Variants in RNF157 observed in about 807,000 individuals in gnomAD.
RNF157 encodes ring finger protein 157, also known as E3 ubiquitin ligase RNF157.
RNF157 carries 55 observed loss-of-function variants against 88.3 expected under a neutral mutation model. That is an observed-to-expected ratio of 0.62 (90% CI 0.50 to 0.78). The LOEUF is 0.78. Among genes scored for constraint, RNF157 ranks in the 30% least tolerant of loss-of-function variants. RNF157 has a pLI of 0.00. For missense variants in RNF157, 788 were observed against 860.8 expected, an observed-to-expected ratio of 0.92 and a Z score of 1.06; for synonymous variants, 334 against 341.2, an observed-to-expected ratio of 0.98 and a Z score of 0.23.
chr17:76,194,852 A>G (rs1421149408), intron 2 of RNF157, among the ~76,000 whole-genome samples: 3 of 152,120 alleles, frequency 2.0e-5, no homozygotes, highest in Non-Finnish European at 4.4e-5. Context: ...CGTCTCTACT[A>G]AAAATACAAA....
At position 76,189,639 on chromosome 17, in the gene RNF157, G is replaced by A. The variant is rs182898478; in HGVS notation, c.208-15849C>T. Among the ~76,000 whole-genome samples, 243 of 152,278 alleles carry A rather than the reference G, an allele frequency of 1.6e-3. 1 individual carries two copies. Among genetic ancestry groups the A allele is most frequent in the African/African-American group, 5.6e-3 (231 of 41,552 alleles). The stretch of plus-strand genomic sequence containing the variant: ...AATGGATATCAGAGAACTAAAACAC[G>A]AAAAGGGGGCACGGAGCTGACAGAG... On this transcript the variant is annotated intron_variant, in intron 2 of 18. Coordinates refer to ENST00000269391, the MANE Select transcript of RNF157 (RefSeq NM_052916.3).
intron 2 of RNF157, among the ~76,000 whole-genome samples, chr17:76,203,172 G>C (rs1203232053): frequency 1.3e-5 from 2 of 151,806 alleles, no homozygotes; most frequent in South Asian, 2.1e-4. Flanking sequence ...TGTATTTTTA[G>C]TAGAGACAGG....
chr17:76,234,410 G>A (rs568968680), intron 1 of RNF157, among the ~76,000 whole-genome samples: 1 of 152,184 alleles, frequency 6.6e-6, no homozygotes, highest in East Asian at 1.9e-4. Context: ...GAACTGCTGA[G>A]TCATCTAGTA....
chr17:76,187,104 A>C (rs1480272117), intron 2 of RNF157, among the ~76,000 whole-genome samples: 1 of 152,158 alleles, frequency 6.6e-6, no homozygotes, highest in African/African-American at 2.4e-5. Context: ...TACTCTGGCT[A>C]GGCTATGTAT....
intron 3 of RNF157, among the ~76,000 whole-genome samples, chr17:76,172,623 A>AG (rs1325662011): frequency 6.7e-6 from 1 of 149,270 alleles, no homozygotes; most frequent in East Asian, 1.9e-4. Context: ...AAAAAAAAAA[A>AG]AAAAAAAAAA....
At chr17:76,186,106 C>T (rs2069282041) in intron 2 of RNF157, among the ~76,000 whole-genome samples, 1 of 152,080 alleles carries the variant, frequency 6.6e-6, no homozygotes, top group Non-Finnish European at 1.5e-5. Flanking sequence ...CCAAAATCTT[C>T]CCTACTCTCT....
At position 76,200,622 on chromosome 17, in the gene RNF157, A is replaced by G. The variant is rs559003162; in HGVS notation, c.207+11742T>C. ...ACAGAGTTTCAGTTTTGTGAGATGA[A>G]AGGAGTTCTGGAGACTGTACAACGA... On this transcript the variant is annotated intron_variant, in intron 2 of 18. Coordinates refer to ENST00000269391, the MANE Select transcript of RNF157 (RefSeq NM_052916.3). Among the ~76,000 whole-genome samples, 6 of 152,264 alleles carry G rather than the reference A, an allele frequency of 3.9e-5. No individual in the cohort carries two copies. The South Asian group carries it at 1.0e-3, about 26-fold the overall frequency.
chr17:76,180,823 C>T (rs200198629), intron 2 of RNF157, among the ~76,000 whole-genome samples: 5 of 152,180 alleles, frequency 3.3e-5, no homozygotes, highest in South Asian at 2.1e-4. Context: ...CATTCACATT[C>T]GCATTATCGT....
chr17:76,190,653 C>T (rs2069369599), intron 2 of RNF157, among the ~76,000 whole-genome samples: 1 of 150,440 alleles, frequency 6.6e-6, no homozygotes, highest in South Asian at 2.1e-4. Context: ...GGCGTGATGG[C>T]TCACGCCTGT....
chr17:76,189,450 G>A (rs1568050067), intron 2 of RNF157, among the ~76,000 whole-genome samples: 1 of 152,224 alleles, frequency 6.6e-6, no homozygotes, highest in Admixed American at 6.5e-5. Flanking sequence ...TAGACAAGCT[G>A]CTTTGCCCTA....
intron 2 of RNF157, among the ~76,000 whole-genome samples, chr17:76,194,558 A>C (rs142899028): frequency 1.3e-5 from 2 of 152,324 alleles, no homozygotes; most frequent in African/African-American, 4.8e-5. Flanking sequence ...TAACTCATTT[A>C]AAATAGTCTC....
At chr17:76,230,746 G>A (rs1410739485) in intron 1 of RNF157, among the ~76,000 whole-genome samples, 3 of 150,580 alleles carry the variant, frequency 2.0e-5, no homozygotes, top group East Asian at 2.0e-4. Context: ...GCTGGGGCAG[G>A]AGAATCGCTT....
chr17:76,205,828 C>A (rs556132941), intron 2 of RNF157, among the ~76,000 whole-genome samples: 5 of 152,234 alleles, frequency 3.3e-5, no homozygotes, highest in African/African-American at 1.2e-4. Flanking sequence ...TGTGTCAATG[C>A]GGCCCAGCTA....
chr17:76,162,602 G>A lies in RNF157; in HGVS notation c.742C>T (p.Leu248Phe), dbSNP rs772021813. 6.8e-6 allele frequency: 11 copies of A among 1,612,546 alleles called. No individual in the cohort carries two copies. Among genetic ancestry groups the A allele is most frequent in the Non-Finnish European group, 9.3e-6 (11 of 1,179,556 alleles). Residue 248 changes from leucine (L) to phenylalanine (F), a missense_variant, in exon 9 of 19, where the codon CTT becomes TTT. Transcript: ENST00000269391. ...TTTTCAATTCCATAGATCTCCTGAA[G>A]GAGGTAGCTGACCCCGTCTACCTGA... is the stretch of plus-strand genomic sequence containing the variant. ...KQVVDGVSYL[L>F]QEIYGIENKY... is the part of the protein sequence containing the mutation.
intron 2 of RNF157, among the ~76,000 whole-genome samples, chr17:76,206,072 T>C (rs1457279788): frequency 6.6e-6 from 1 of 151,456 alleles, no homozygotes. Context: ...TCTATAGAAA[T>C]TTTTTTTAAA....
chr17:76,233,763 G>T (rs938049887), intron 1 of RNF157, among the ~76,000 whole-genome samples: 1 of 152,072 alleles, frequency 6.6e-6, no homozygotes, highest in Non-Finnish European at 1.5e-5. Context: ...GAACTCCTGG[G>T]CTTAAGCCAT....
rs1050288307 is a variant in RNF157 at position 76,176,833 on chromosome 17, G to A, written c.208-3043C>T. ...GCGGAGCTGGGGCCATGCTTCAGGG[G>A]CCCCGGGCAGGAAGTGGGAGCAGCT... On this transcript the variant is annotated intron_variant, in intron 2 of 18. Transcript: ENST00000269391. The surrounding 1 kb of genome is among the most constrained non-coding windows in gnomAD (Gnocchi z 4.2). 6.6e-6 allele frequency among the ~76,000 whole-genome samples: 1 copy of A among 152,084 alleles called. No individual in the cohort carries two copies. Among genetic ancestry groups the A allele is most frequent in the Non-Finnish European group, 1.5e-5 (1 of 68,020 alleles).
At chr17:76,147,009 G>A in intron 18 of RNF157, 1 of 985,346 alleles carries the variant, frequency 1.0e-6, no homozygotes, top group Non-Finnish European at 1.2e-6. Context: ...TCTGGTGCTT[G>A]ACCCCAGGGG....
At chr17:76,226,799 T>A in intron 1 of RNF157, 1 of 1,553,856 alleles carries the variant, frequency 6.4e-7, no homozygotes, top group Non-Finnish European at 8.7e-7. Flanking sequence ...GAAGCTCATT[T>A]CGGTCATGTT....
Sources: allele counts gnomAD v4.1 joint callset (sites outside exome capture counted in the v4.1 genomes callset), GRCh38; gene constraint gnomAD v4.1.1; non-coding constraint Gnocchi (gnomAD v3.1); transcripts MANE v1.5; gene names NCBI Gene and HGNC (gene_info 2026-07-23, HGNC 2026-07-21).